Variants in TMEM108 observed in about 807,000 individuals in gnomAD.
TMEM108 encodes transmembrane protein 108.
Under a neutral mutation model 35.1 loss-of-function variants are expected in TMEM108, and 12 were observed. The ratio of observed to expected loss-of-function variants is 0.34; its 90% CI spans 0.22 to 0.55. The LOEUF (loss-of-function observed/expected upper bound fraction) is 0.55. Among genes scored for constraint, TMEM108 ranks in the 20% least tolerant of loss-of-function variants. The pLI is 0.89. For synonymous variants in TMEM108, 287 were observed against 308.6 expected, an observed-to-expected ratio of 0.93 and a Z score of 0.73; for missense variants, 680 against 753.3, an observed-to-expected ratio of 0.90 and a Z score of 1.14.
intron 2 of TMEM108, among the ~76,000 whole-genome samples, chr3:133,152,988 G>C (rs4854696): frequency 0.53 from 79,486 of 151,288 alleles, 21,552 homozygotes; most frequent in African/African-American, 0.65. Context: ...TTGTACTCAG[G>C]CCAAGATTTA....
chr3:133,206,116 C>A (rs910400095), intron 2 of TMEM108, among the ~76,000 whole-genome samples: 1 of 152,156 alleles, frequency 6.6e-6, no homozygotes, highest in Non-Finnish European at 1.5e-5. Flanking sequence ...GTATGCATCA[C>A]GAAGTTCTCG....
chr3:133,088,457 G>A (rs547802014), intron 2 of TMEM108, among the ~76,000 whole-genome samples: 1 of 152,318 alleles, frequency 6.6e-6, no homozygotes, highest in African/African-American at 2.4e-5. Flanking sequence ...GGTAGGAATA[G>A]AGCAATGCTG....
At chr3:133,187,254 T>C (rs1945434177) in intron 2 of TMEM108, among the ~76,000 whole-genome samples, 1 of 152,206 alleles carries the variant, frequency 6.6e-6, no homozygotes, top group African/African-American at 2.4e-5. Flanking sequence ...TTTTAAAAGA[T>C]TAAAATCTTT....
At position 133,281,665 on chromosome 3, in the gene TMEM108, G is replaced by A. The variant is rs190137018; in HGVS notation, c.40+52314G>A. Among the ~76,000 whole-genome samples, 346 of 152,336 alleles carry A rather than the reference G, an allele frequency of 2.3e-3. 2 individuals are homozygous for A. Among genetic ancestry groups the A allele is most frequent in the African/African-American group, 8.1e-3 (337 of 41,574 alleles). On this transcript the variant is annotated intron_variant, in intron 3 of 5. Coordinates refer to ENST00000321871, the MANE Select transcript of TMEM108 (RefSeq NM_023943.4). The stretch of plus-strand genomic sequence containing the variant: ...ATGCTACAGTGAGCAGCGGAGGGCT[G>A]GTTCAGGGTAGCATTTCTCCTGGTC...
chr3:133,183,765 A>G (rs1210718150), intron 2 of TMEM108, among the ~76,000 whole-genome samples: 1 of 152,196 alleles, frequency 6.6e-6, no homozygotes, highest in African/African-American at 2.4e-5. Context: ...GAAGCAGCTC[A>G]GTTTCCATAG....
At chr3:133,194,102 A>T (rs1945541507) in intron 2 of TMEM108, among the ~76,000 whole-genome samples, 1 of 151,878 alleles carries the variant, frequency 6.6e-6, no homozygotes, top group Non-Finnish European at 1.5e-5. Flanking sequence ...ACACCCGGCT[A>T]ATTTTTGTAT....
chr3:133,329,449 CTGTGTCT>C (rs1419059287), intron 3 of TMEM108, among the ~76,000 whole-genome samples: 2 of 152,148 alleles, frequency 1.3e-5, no homozygotes, highest in African/African-American at 4.8e-5. Context: ...CAGAATTTTG[CTGTGTCT>C]TGTCCCGGCA....
chr3:133,126,432 A>C (rs1206732989), intron 2 of TMEM108, among the ~76,000 whole-genome samples: 1 of 150,510 alleles, frequency 6.6e-6, no homozygotes, highest in East Asian at 2.0e-4. Flanking sequence ...GCGCCACTGC[A>C]CTCCAGCCTG....
At chr3:133,387,169 G>A (rs1405478797) in intron 4 of TMEM108, 13 of 985,288 alleles carry the variant, frequency 1.3e-5, no homozygotes, top group East Asian at 1.1e-4. Flanking sequence ...GGGAGAACAA[G>A]AAGAGAACTG....
intron 2 of TMEM108, among the ~76,000 whole-genome samples, chr3:133,182,849 C>G (rs993654543): frequency 2.6e-5 from 4 of 152,270 alleles, no homozygotes; most frequent in African/African-American, 4.8e-5. Flanking sequence ...TCTCTGGTGC[C>G]AGCATTCTCA....
intron 2 of TMEM108, among the ~76,000 whole-genome samples, chr3:133,160,040 C>A (rs1944938756): frequency 1.3e-5 from 2 of 152,176 alleles, no homozygotes; most frequent in Non-Finnish European, 2.9e-5. Flanking sequence ...CAGTCACCTT[C>A]TTTGTTGACA....
intron 2 of TMEM108, among the ~76,000 whole-genome samples, chr3:133,089,872 T>C (rs1214955696): frequency 5.3e-5 from 8 of 152,210 alleles, no homozygotes; most frequent in Admixed American, 4.6e-4. Flanking sequence ...TGTAAGAGTT[T>C]CAAGTTCAAT....
At chr3:133,086,900 G>T (rs979496863) in intron 2 of TMEM108, among the ~76,000 whole-genome samples, 1 of 152,172 alleles carries the variant, frequency 6.6e-6, no homozygotes, top group African/African-American at 2.4e-5. Context: ...GTTACAGAAG[G>T]ATCAGCATGC....
At chr3:133,207,478 C>T (rs1231459607) in intron 2 of TMEM108, among the ~76,000 whole-genome samples, 4 of 151,994 alleles carry the variant, frequency 2.6e-5, no homozygotes, top group Non-Finnish European at 4.4e-5. Context: ...ATTTGTCAGG[C>T]GAAGTGGCTT....
At chr3:133,145,077 T>G (rs1944697821) in intron 2 of TMEM108, among the ~76,000 whole-genome samples, 1 of 152,236 alleles carries the variant, frequency 6.6e-6, no homozygotes, top group Non-Finnish European at 1.5e-5. Context: ...GGTTTTCTTA[T>G]AGGGTTTTTA....
intron 2 of TMEM108, among the ~76,000 whole-genome samples, chr3:133,082,882 G>A (rs1340096663): frequency 2.0e-5 from 3 of 152,074 alleles, no homozygotes; most frequent in Non-Finnish European, 4.4e-5. Flanking sequence ...TTGAACTCCT[G>A]GGTTCAAGCA....
intron 3 of TMEM108, among the ~76,000 whole-genome samples, chr3:133,309,108 G>A (rs2071087159): frequency 6.6e-6 from 1 of 152,152 alleles, no homozygotes; most frequent in Admixed American, 6.5e-5. Context: ...ATGTATCCAG[G>A]AATTTATCCA....
chr3:133,065,651 G>A (rs553778927), intron 2 of TMEM108, among the ~76,000 whole-genome samples: 3 of 151,986 alleles, frequency 2.0e-5, no homozygotes, highest in Non-Finnish European at 4.4e-5. Flanking sequence ...TCATAACTGG[G>A]CCAATTCTTA....
At chr3:133,339,450 A>G (rs964184507) in intron 3 of TMEM108, among the ~76,000 whole-genome samples, 2 of 151,906 alleles carry the variant, frequency 1.3e-5, no homozygotes, top group African/African-American at 4.8e-5. Flanking sequence ...GCACCCAGAT[A>G]TTTAAATCAA....
Sources: gnomAD v4.1 joint callset for allele counts (sites outside exome capture counted in the v4.1 genomes callset) on GRCh38, gnomAD v4.1.1 for gene constraint, MANE v1.5 for transcripts, NCBI Gene and HGNC (gene_info 2026-07-23, HGNC 2026-07-21) for gene names.